FREM3: variants seen among roughly 807,000 people sequenced by gnomAD.
FREM3 encodes FRAS1-related extracellular matrix protein 3.
In FREM3, 105 loss-of-function variants were observed where a neutral mutation model predicts 129.1. The ratio of observed to expected loss-of-function variants is 0.81; its 90% CI spans 0.69 to 0.96. FREM3 has a LOEUF of 0.96. Ranked by LOEUF, FREM3 falls within the 40% of genes least tolerant of loss-of-function variation. The pLI, the probability that FREM3 is intolerant of heterozygous loss-of-function variation, is 0.00. For missense variants in FREM3, 2,593 were observed against 2,666.3 expected (o/e 0.97, Z 0.61); for synonymous variants, 1,014 against 1,044.9 (o/e 0.97, Z 0.57).
intron 2 of FREM3, among the ~76,000 whole-genome samples, chr4:143,673,309 C>G (rs1740037184): frequency 6.6e-6 from 1 of 152,200 alleles, no homozygotes; most frequent in South Asian, 2.1e-4. Flanking sequence ...TTCCTTCTAA[C>G]AGTCAGGACC....
chr4:143,673,799 C>A (rs1740051392), intron 2 of FREM3, among the ~76,000 whole-genome samples: 1 of 152,234 alleles, frequency 6.6e-6, no homozygotes, highest in Non-Finnish European at 1.5e-5. Flanking sequence ...TGGCAGTTGC[C>A]CCTCCCGCAG....
At chr4:143,581,999 C>T (rs1738156079) in intron 7 of FREM3, among the ~76,000 whole-genome samples, 1 of 152,062 alleles carries the variant, frequency 6.6e-6, no homozygotes, top group Non-Finnish European at 1.5e-5. Context: ...TTCCTGCACT[C>T]CCTGCCCATC....
chr4:143,698,234 C>T lies in FREM3; in HGVS notation c.2442G>A (p.Val814=), dbSNP rs2149865093. The part of the protein sequence containing the change: ...YQVEDAAGNS[V]PGTFTLFLQP... ...GCAGGAATAATGTGAATGTGCCTGGCACGCTATTGCCTGCAGCATCTTCCA... is the reference window on the plus strand; with the variant it reads ...GCAGGAATAATGTGAATGTGCCTGGTACGCTATTGCCTGCAGCATCTTCCA... The change falls in exon 1 of 8, where the codon GTG becomes GTA. Residue 814 remains valine, a synonymous_variant. Transcript: ENST00000329798. 1.3e-6 allele frequency: 2 copies of T among 1,537,394 alleles called. No individual in the cohort carries two copies. The highest frequency in any genetic ancestry group is 4.9e-5 in the East Asian group (2 of 40,926).
At chr4:143,651,908 C>T (rs1306683750) in intron 2 of FREM3, among the ~76,000 whole-genome samples, 1 of 152,100 alleles carries the variant, frequency 6.6e-6, no homozygotes, top group Non-Finnish European at 1.5e-5. Flanking sequence ...CTATTATTTT[C>T]TTTTCAATGG....
At chr4:143,594,338 C>G (rs1277411177) in intron 6 of FREM3, among the ~76,000 whole-genome samples, 1 of 152,168 alleles carries the variant, frequency 6.6e-6, no homozygotes, top group South Asian at 2.1e-4. Flanking sequence ...GAGCTGTAGA[C>G]TGGAGCTGTT....
chr4:143,634,155 G>A lies in FREM3; in HGVS notation c.5276-6395C>T, dbSNP rs898243204. On this transcript the variant is annotated intron_variant, in intron 2 of 7. Transcript: ENST00000329798. ...TTTGGTTTTAATTTGGCTTTGATGTGATGATAAGAAGCCCAAGTACAAAAA... is the reference window on the plus strand; with the variant it reads ...TTTGGTTTTAATTTGGCTTTGATGTAATGATAAGAAGCCCAAGTACAAAAA... 7.2e-5 allele frequency among the ~76,000 whole-genome samples: 11 copies of A among 152,210 alleles called. No individual in the cohort carries two copies. The South Asian group carries it at 1.0e-3, about 14-fold the overall frequency.
chr4:143,611,392 G>C lies in FREM3; in HGVS notation c.5915C>G (p.Ser1972Cys), dbSNP rs752993629. 4 of 1,537,180 alleles carry C rather than the reference G, an allele frequency of 2.6e-6. No homozygotes were observed. The highest frequency in any genetic ancestry group is 3.5e-6 in the Non-Finnish European group (4 of 1,146,850). Residue 1972 changes from serine to cysteine, a missense_variant, in exon 6 of 8, where the codon TCC becomes TGC. This residue lies in a region of FREM3 where 317 missense variants were observed against 399.0 expected (regional missense o/e 0.79). Transcript: ENST00000329798. ...KTCQVLIIDD[S>C]LYEEEESFSV... ...GAAGGATTCCTCCTCTTCATAAAGG[G>C]AGTCATCAATGATCAGGACCTGGCA...
At chr4:143,598,282 T>C (rs1738517616) in intron 6 of FREM3, among the ~76,000 whole-genome samples, 1 of 152,216 alleles carries the variant, frequency 6.6e-6, no homozygotes, top group African/African-American at 2.4e-5. Context: ...AGAGCATTTA[T>C]GTGTGGTCAC....
intron 2 of FREM3, among the ~76,000 whole-genome samples, chr4:143,659,032 C>CTT (rs34378952): frequency 4.3e-5 from 6 of 139,518 alleles, no homozygotes; most frequent in African/African-American, 1.6e-4. Flanking sequence ...AGGTTATTTT[C>CTT]TTTTTTTTTT....
Position 143,684,973 on chromosome 4 carries a change from A to C in FREM3, c.5275+8140T>G, listed in dbSNP as rs192721165. Reference sequence around the variant, plus strand: ...AAGAAAGAAAAAAGAATAAGAAAATATGAACAAAGCCTCCAAGAAGTCTGG... The same window carrying C: ...AAGAAAGAAAAAAGAATAAGAAAATCTGAACAAAGCCTCCAAGAAGTCTGG... On this transcript the variant is annotated intron_variant, in intron 2 of 7. Transcript: ENST00000329798. Among the ~76,000 whole-genome samples the C allele has an allele frequency of 3.0e-3, 464 of 152,274 alleles. 2 individuals are homozygous for C. Among genetic ancestry groups the C allele is most frequent in the African/African-American group, 0.011 (446 of 41,560 alleles).
Position 143,640,524 on chromosome 4 carries a change from G to T in FREM3, c.5276-12764C>A, listed in dbSNP as rs556276152. ...TGTCTCTACTAAAAATACAAAATTA[G>T]CTGGGCGTGGTGACACATGCCTGTA... On this transcript the variant is annotated intron_variant, in intron 2 of 7. Transcript: ENST00000329798. 1.9e-4 allele frequency among the ~76,000 whole-genome samples: 29 copies of T among 152,260 alleles called. No individual in the cohort carries two copies. In the South Asian group the frequency reaches 5.0e-3, roughly 26 times the overall value.
chr4:143,698,673 A>G lies in FREM3; in HGVS notation c.2003T>C (p.Val668Ala). Residue 668 changes from valine to alanine, a missense_variant, in exon 1 of 8, where the codon GTA (valine) becomes GCA (alanine). By Grantham distance (64) the Val-to-Ala change is moderately conservative (BLOSUM62 0). Around this residue, in one of 2 missense-constraint regions of FREM3, gnomAD observed 2,276 missense variants for 2,267.2 expected, o/e 1.00. Transcript: ENST00000329798. ...CACATGGAAAGCCAGCTGGACCATT[A>G]CAGATTGAGGGCTGTGTGGTCCAAG... ...RHLGPHSPQSVMVQLAFHVQD... is the reference protein window; with the variant it reads ...RHLGPHSPQSAMVQLAFHVQD... 1 of 1,537,698 alleles carries G rather than the reference A, an allele frequency of 6.5e-7. No individual in the cohort carries two copies. The highest frequency in any genetic ancestry group is 1.2e-5 in the South Asian group (1 of 84,058).
chr4:143,620,855 G>C (rs1159530551), intron 5 of FREM3, among the ~76,000 whole-genome samples, 182 bp downstream of exon 5: 3 of 152,186 alleles, frequency 2.0e-5, no homozygotes, highest in African/African-American at 7.2e-5. Flanking sequence ...GACCAGCTCA[G>C]AGGAGTAGGG....
chr4:143,696,336 T>C lies in FREM3; in HGVS notation c.4340A>G (p.Asn1447Ser), dbSNP rs1740567809. The C allele has an allele frequency of 2.0e-6, 3 of 1,537,390 alleles. No individual in the cohort carries two copies. Among genetic ancestry groups the C allele is most frequent in the Non-Finnish European group, 2.6e-6 (3 of 1,146,948 alleles). ...GTTGATGTCACTGTTGGTAAGCAGA[T>C]TGTTGGTAAGGGTCACTCTGGCACC... ...IEGARVTLTN[N>S]LLTNSDINSS... The change falls in exon 1 of 8, where the codon AAT becomes AGT. Residue 1447 changes from asparagine (N) to serine (S), a missense_variant. Physicochemically the swap from Asn to Ser is conservative, Grantham distance 46. Around this residue, in one of 2 missense-constraint regions of FREM3, gnomAD observed 2,276 missense variants for 2,267.2 expected, o/e 1.00. Transcript: ENST00000329798.
intron 4 of FREM3, 49 bp from the exon 5 acceptor site, chr4:143,621,211 T>C (rs1471952354): frequency 1.3e-6 from 2 of 1,524,344 alleles, no homozygotes; most frequent in Admixed American, 3.9e-5. Flanking sequence ...ATTTGATCGG[T>C]GATATTTAAA....
chr4:143,611,724 A>T (rs1408447593), intron 5 of FREM3, among the ~76,000 whole-genome samples, 197 bp from the exon 6 acceptor site: 2 of 152,178 alleles, frequency 1.3e-5, no homozygotes, highest in African/African-American at 4.8e-5. Flanking sequence ...CATGATCTAG[A>T]TTTAGTGATT....
In FREM3 at chr4:143,698,405, G is replaced by A; in HGVS notation, c.2271C>T (p.Val757=). Reference sequence around the variant, plus strand: ...CAGTGAGCACAATTTCTCCAGCCCGGACTTGGTGGTTGCCATCTGTGTCAG... The same window carrying A: ...CAGTGAGCACAATTTCTCCAGCCCGAACTTGGTGGTTGCCATCTGTGTCAG... The part of the protein sequence containing the change: ...LPTDTDGNHQ[V]RAGEIVLTDS... The change falls in exon 1 of 8, where the codon GTC becomes GTT. Residue 757 remains valine, a synonymous_variant. Coordinates refer to ENST00000329798, the MANE Select transcript of FREM3 (RefSeq NM_001168235.2). 6.5e-7 allele frequency: 1 copy of A among 1,537,938 alleles called. No homozygotes were observed. The highest frequency in any genetic ancestry group is 2.4e-5 in the East Asian group (1 of 40,914).
chr4:143,579,807 C>G (rs1160614983), intron 7 of FREM3, among the ~76,000 whole-genome samples: 2 of 152,142 alleles, frequency 1.3e-5, no homozygotes, highest in Non-Finnish European at 2.9e-5. Context: ...TAGCGGATGT[C>G]AAATATTTAC....
intron 6 of FREM3, among the ~76,000 whole-genome samples, chr4:143,605,361 T>A (rs1460466162): frequency 1.4e-5 from 2 of 144,334 alleles, no homozygotes; most frequent in Non-Finnish European, 2.9e-5. Context: ...TTTTACGTAC[T>A]CCTTCCTGTA....
Sources: gnomAD v4.1 joint callset for allele counts (sites outside exome capture counted in the v4.1 genomes callset) on GRCh38, gnomAD v4.1.1 for gene constraint, gnomAD v4.1.1 regional missense constraint, MANE v1.5 for transcripts, NCBI Gene and HGNC (gene_info 2026-07-23, HGNC 2026-07-21) for gene names.